COLEC10: variants seen among roughly 807,000 people sequenced by gnomAD.
COLEC10 encodes collectin subfamily member 10.
Under a neutral mutation model 28.4 loss-of-function variants are expected in COLEC10, and 22 were observed. The observed-to-expected ratio is 0.78, with a 90% CI of 0.55 to 1.11. COLEC10 has a LOEUF of 1.11. Ranked by LOEUF, COLEC10 falls within the 50% of genes least tolerant of loss-of-function variation. The pLI is 0.00. For synonymous variants in COLEC10, 125 were observed against 116.1 expected (o/e 1.08, Z -0.49); for missense variants, 361 against 344.1 (o/e 1.05, Z -0.39).
intron 2 of COLEC10, among the ~76,000 whole-genome samples, chr8:119,035,180 T>C (rs1179069727): frequency 6.6e-6 from 1 of 152,208 alleles, no homozygotes; most frequent in African/African-American, 2.4e-5. Context: ...ACTAAAAGTT[T>C]CTCTCAGATA....
At chr8:119,081,673 T>C (rs1815372362) in intron 1 of COLEC10, among the ~76,000 whole-genome samples, 1 of 152,118 alleles carries the variant, frequency 6.6e-6, no homozygotes, top group Non-Finnish European at 1.5e-5. Flanking sequence ...AACTCCTGGG[T>C]TGTAATGAGT....
the COLEC10 span, among the ~76,000 whole-genome samples, chr8:118,970,805 A>C: frequency 1.3e-5 from 2 of 152,042 alleles, no homozygotes; most frequent in African/African-American, 4.8e-5. Flanking sequence ...TTTATAGATA[A>C]GGAACATGAG....
Position 119,108,285 on chromosome 8 carries a change from G to GAAAA in COLEC10, c.*2094_*2095insAAAA. 6.6e-6 allele frequency among the ~76,000 whole-genome samples: 1 copy of GAAAA among 152,170 alleles called. No homozygotes were observed. Among genetic ancestry groups the GAAAA allele is most frequent in the African/African-American group, 2.4e-5 (1 of 41,444 alleles). ...ACCTGTAGGAAAATAAAGCTCATAT[G>GAAAA]TAAGAAGAGAGGAAGGAGAGACATG... is the stretch of plus-strand genomic sequence containing the variant. On this transcript the variant is annotated 3_prime_UTR_variant, in exon 6 of 6. Coordinates refer to ENST00000332843, the MANE Select transcript of COLEC10 (RefSeq NM_006438.5).
intron 3 of COLEC10, among the ~76,000 whole-genome samples, chr8:119,092,082 T>G (rs867983936): frequency 6.7e-6 from 1 of 150,158 alleles, no homozygotes; most frequent in Non-Finnish European, 1.5e-5. Flanking sequence ...TTTTTTTTTT[T>G]TTTTTGAGAT....
the COLEC10 span, among the ~76,000 whole-genome samples, chr8:118,985,587 T>C: frequency 6.6e-6 from 1 of 152,084 alleles, no homozygotes; most frequent in Non-Finnish European, 1.5e-5. Context: ...ATTCACTGGG[T>C]CCAAAGGGCA....
intron 1 of COLEC10, among the ~76,000 whole-genome samples, chr8:119,000,654 C>A (rs1241640969): frequency 6.6e-6 from 1 of 151,990 alleles, no homozygotes; most frequent in African/African-American, 2.4e-5. Flanking sequence ...AAAGTGATAG[C>A]AAAAGGGAAT....
At chr8:119,017,801 G>A (rs1814021337) in intron 2 of COLEC10, among the ~76,000 whole-genome samples, 1 of 152,006 alleles carries the variant, frequency 6.6e-6, no homozygotes, top group African/African-American at 2.4e-5. Context: ...CACAAATCCT[G>A]GCCCATAGTA....
At chr8:119,075,996 G>A (rs552237822) in intron 1 of COLEC10, among the ~76,000 whole-genome samples, 2 of 145,894 alleles carry the variant, frequency 1.4e-5, no homozygotes, top group African/African-American at 2.5e-5. Flanking sequence ...CGCCTCCTGG[G>A]TTCATGCCAT....
Position 119,106,745 on chromosome 8 carries a change from T to C in COLEC10, c.*554T>C, listed in dbSNP as rs1242173812. On this transcript the variant is annotated 3_prime_UTR_variant, in exon 6 of 6. Transcript: ENST00000332843. ...TTGTTGGCACAGACATAGAAATGCTTTAACCCCAAACCTTTATATGGGGGA... is the reference window on the plus strand; with the variant it reads ...TTGTTGGCACAGACATAGAAATGCTCTAACCCCAAACCTTTATATGGGGGA... Among the ~76,000 whole-genome samples the C allele has an allele frequency of 6.6e-6, 1 of 152,164 alleles. No individual in the cohort carries two copies. The highest frequency in any genetic ancestry group is 1.5e-5 in the Non-Finnish European group (1 of 68,024).
intron 1 of COLEC10, among the ~76,000 whole-genome samples, chr8:119,079,394 G>C (rs899962918): frequency 6.6e-6 from 1 of 152,142 alleles, no homozygotes; most frequent in African/African-American, 2.4e-5. Context: ...TGAACCAAGC[G>C]CTTTGATCCC....
intron 2 of COLEC10, among the ~76,000 whole-genome samples, chr8:119,016,847 T>C (rs563538553): frequency 6.6e-6 from 1 of 152,160 alleles, no homozygotes; most frequent in Admixed American, 6.5e-5. Flanking sequence ...CTTCTGAGTA[T>C]CTGGGACTAC....
the COLEC10 span, among the ~76,000 whole-genome samples, chr8:118,966,593 C>T: frequency 2.6e-5 from 4 of 151,982 alleles, no homozygotes; most frequent in Non-Finnish European, 5.9e-5. Flanking sequence ...ACTATGAGAG[C>T]TTGCCTAAAG....
At chr8:119,080,728 T>C (rs1184174075) in intron 1 of COLEC10, among the ~76,000 whole-genome samples, 3 of 152,166 alleles carry the variant, frequency 2.0e-5, no homozygotes, top group South Asian at 2.1e-4. Context: ...ATGATATCTC[T>C]TTTTACCATC....
chr8:119,074,005 TAC>T (rs1301091443), intron 1 of COLEC10, among the ~76,000 whole-genome samples: 3 of 151,656 alleles, frequency 2.0e-5, no homozygotes, highest in African/African-American at 7.3e-5. Context: ...CACATATATA[TAC>T]GTGTATATAT....
chr8:119,068,852 A>G (rs895676360), intron 1 of COLEC10: 2 of 152,012 alleles, frequency 1.3e-5, no homozygotes, highest in African/African-American at 4.8e-5. Flanking sequence ...TAAGTCTGTT[A>G]TGTTCTTGGG....
chr8:118,956,116 A>G, the COLEC10 span, among the ~76,000 whole-genome samples: 1 of 152,142 alleles, frequency 6.6e-6, no homozygotes, highest in African/African-American at 2.4e-5. Flanking sequence ...TTGCAACCTT[A>G]CGTGGCAGAA....
intron 3 of COLEC10, among the ~76,000 whole-genome samples, chr8:119,094,796 C>G (rs978097631): frequency 1.3e-5 from 2 of 152,086 alleles, no homozygotes; most frequent in Non-Finnish European, 2.9e-5. Flanking sequence ...AAACCTATAC[C>G]TATTCATGTT....
chr8:119,091,755 A>G (rs2130283589), intron 3 of COLEC10, among the ~76,000 whole-genome samples: 1 of 152,272 alleles, frequency 6.6e-6, no homozygotes, highest in East Asian at 1.9e-4. Flanking sequence ...ATATATAAGC[A>G]ATATATCTCA....
chr8:119,022,208 C>G (rs1253424246), intron 2 of COLEC10, among the ~76,000 whole-genome samples: 1 of 152,076 alleles, frequency 6.6e-6, no homozygotes, highest in African/African-American at 2.4e-5. Flanking sequence ...TGAAAAGAGT[C>G]TGGATTCTAT....
Sources: gnomAD v4.1 joint callset for allele counts (sites outside exome capture counted in the v4.1 genomes callset) on GRCh38, gnomAD v4.1.1 for gene constraint, MANE v1.5 for transcripts, NCBI Gene and HGNC (gene_info 2026-07-23, HGNC 2026-07-21) for gene names.